The following CAMK2B variants were observed in gnomAD, a reference collection of about 807,000 sequenced individuals.
CAMK2B encodes the protein calcium/calmodulin dependent protein kinase II beta.
CAMK2B carries 27 observed loss-of-function variants against 93.7 expected under a neutral mutation model. The observed-to-expected ratio is 0.29, with a 90% CI of 0.21 to 0.40. The LOEUF (loss-of-function observed/expected upper bound fraction) is 0.40. CAMK2B is among the 10% of genes least tolerant of loss of function. CAMK2B has a pLI of 1.00. For missense variants in CAMK2B, 568 were observed against 895.8 expected (o/e 0.63, Z 4.67); for synonymous variants, 374 against 358.8 (o/e 1.04, Z -0.48).
Position 44,248,282 on chromosome 7 carries a change from C to G in CAMK2B, c.342-1090G>C, listed in dbSNP as rs1373805062. The stretch of plus-strand genomic sequence containing the variant: ...GCCATGACTGGCTGGGAGGAGAGGT[C>G]CAAGCTGCTCTCAGGCCACCTCCCT... On this transcript the variant is annotated intron_variant, in intron 5 of 23. Coordinates refer to ENST00000395749, the MANE Select transcript of CAMK2B (RefSeq NM_001220.5). The surrounding 1 kb of genome is among the most constrained non-coding windows in gnomAD (Gnocchi z 4.1). Among the ~76,000 whole-genome samples the G allele has an allele frequency of 6.6e-6, 1 of 152,104 alleles. No homozygotes were observed. Among genetic ancestry groups the G allele is most frequent in the Non-Finnish European group, 1.5e-5 (1 of 67,998 alleles).
At chr7:44,260,229 G>A (rs763120901) in intron 3 of CAMK2B, among the ~76,000 whole-genome samples, 4 of 152,128 alleles carry the variant, frequency 2.6e-5, no homozygotes, top group Non-Finnish European at 5.9e-5. Flanking sequence ...ATGCTCCGGC[G>A]CTGTCCCAGT....
chr7:44,303,443 T>A (rs1044743461), intron 1 of CAMK2B, among the ~76,000 whole-genome samples: 1 of 152,084 alleles, frequency 6.6e-6, no homozygotes, highest in African/African-American at 2.4e-5. Context: ...CATAATACAA[T>A]AACCAACACA....
chr7:44,268,355 C>T (rs1294615161), intron 2 of CAMK2B, among the ~76,000 whole-genome samples: 2 of 152,174 alleles, frequency 1.3e-5, no homozygotes, highest in African/African-American at 4.8e-5. Flanking sequence ...ATATTTACAG[C>T]CTGCAGATGC....
At chr7:44,260,867 G>C (rs866011812) in intron 3 of CAMK2B, among the ~76,000 whole-genome samples, 68 of 152,168 alleles carry the variant, frequency 4.5e-4, no homozygotes, top group African/African-American at 1.6e-3. Flanking sequence ...TTCTCAAAGA[G>C]CAAGGTATTC....
intron 11 of CAMK2B, among the ~76,000 whole-genome samples, 198 bp from the exon 12 acceptor site, chr7:44,240,947 TAC>T (rs1012269458): frequency 1.3e-5 from 2 of 152,084 alleles, no homozygotes; most frequent in African/African-American, 4.8e-5. Context: ...TTTCCAGAAC[TAC>T]ACACACCCTG....
At chr7:44,301,221 A>G (rs1789919331) in intron 1 of CAMK2B, among the ~76,000 whole-genome samples, 1 of 152,164 alleles carries the variant, frequency 6.6e-6, no homozygotes, top group Admixed American at 6.5e-5. Flanking sequence ...TTGAACTCCT[A>G]GGCTCAAATG....
chr7:44,243,171 A>G, intron 8 of CAMK2B, 79 bp downstream of exon 8: 1 of 1,073,110 alleles, frequency 9.3e-7, no homozygotes, highest in Non-Finnish European at 1.4e-6. Context: ...CGTGCTGGCC[A>G]CTGCACACTC....
chr7:44,282,040 A>G (rs1584559157), intron 2 of CAMK2B, among the ~76,000 whole-genome samples: 1 of 152,178 alleles, frequency 6.6e-6, no homozygotes, highest in East Asian at 1.9e-4. Flanking sequence ...TGCTCCACAC[A>G]TGCACCTACA....
chr7:44,243,471 G>A lies in CAMK2B; in HGVS notation c.471C>T (p.Asp157=). ...KCKGAAVKLA[D]FGLAIEVQGD... is the part of the protein sequence containing the mutation. ...CCTGCACCTCGATAGCTAGGCCGAA[G>A]TCTGCCAGCTTCACTGCAGCCCCTT... Residue 157 remains aspartate (D), a synonymous_variant, in exon 7 of 24, where the codon GAC becomes GAT. Coordinates refer to ENST00000395749, the MANE Select transcript of CAMK2B (RefSeq NM_001220.5). 6.2e-7 allele frequency: 1 copy of A among 1,614,106 alleles called. No individual in the cohort carries two copies.
chr7:44,237,275 G>A (rs1208836723), intron 13 of CAMK2B, among the ~76,000 whole-genome samples: 1 of 152,228 alleles, frequency 6.6e-6, no homozygotes, highest in Non-Finnish European at 1.5e-5. Context: ...TTAGATCCTT[G>A]AGTCTATCAA....
Position 44,232,814 on chromosome 7 carries a change from G to T in CAMK2B, c.1176+8C>A, listed in dbSNP as rs730951. On this transcript the variant is annotated splice_region_variant and intron_variant, in intron 16 of 23. Transcript: ENST00000395749. Reference sequence around the variant, plus strand: ...GGGGAAAGCGGGAGGAGGAAAGTGGGGCAGTACCTTAATCCCGTCCACTGG... The same window carrying T: ...GGGGAAAGCGGGAGGAGGAAAGTGGTGCAGTACCTTAATCCCGTCCACTGG... The T allele has an allele frequency of 6.2e-7, 1 of 1,613,768 alleles. No individual in the cohort carries two copies.
intron 1 of CAMK2B, chr7:44,323,744 G>A (rs1056252109): frequency 5.2e-5 from 8 of 155,014 alleles, no homozygotes; most frequent in African/African-American, 1.7e-4. Context: ...GAAGGCTCCT[G>A]AGGAAAGACT....
intron 4 of CAMK2B, among the ~76,000 whole-genome samples, chr7:44,256,491 T>A (rs1212605127): frequency 6.6e-6 from 1 of 152,232 alleles, no homozygotes; most frequent in Non-Finnish European, 1.5e-5. Context: ...GTAGAGCAGT[T>A]TGTTCATGCG....
intron 1 of CAMK2B, among the ~76,000 whole-genome samples, chr7:44,295,079 G>A (rs1310738296): frequency 6.6e-6 from 1 of 152,188 alleles, no homozygotes; most frequent in Non-Finnish European, 1.5e-5. Context: ...ATAACTTAGC[G>A]CTGGTCTGCA....
chr7:44,270,945 GTC>G (rs1166791606), intron 2 of CAMK2B, among the ~76,000 whole-genome samples: 3 of 152,022 alleles, frequency 2.0e-5, no homozygotes, highest in Non-Finnish European at 2.9e-5. Flanking sequence ...TTTTGATGGA[GTC>G]TCTCTCTGTC....
chr7:44,259,032 C>T lies in CAMK2B; in HGVS notation c.221-106G>A. 1.1e-5 allele frequency: 11 copies of T among 1,047,188 alleles called. No individual in the cohort carries two copies. The South Asian group carries it at 1.1e-4, about 10-fold the overall frequency. 64.9% of individuals were successfully genotyped at this position (1,047,188 alleles called of 1,614,324 possible). ...ACCACCAGCGGTGTAAGCCCTAGGG[C>T]TGCCCAGAGGATCGGGCTGGGTAGG... On this transcript the variant is annotated intron_variant, in intron 3 of 23. Transcript: ENST00000395749.
At chr7:44,220,977 G>A (rs985066197) in intron 20 of CAMK2B, 76 bp from the exon 21 acceptor site, 1 of 1,266,788 alleles carries the variant, frequency 7.9e-7, no homozygotes, top group Admixed American at 2.1e-5. Context: ...GCCCAGGGGA[G>A]GGCCTGGGGG....
intron 1 of CAMK2B, among the ~76,000 whole-genome samples, chr7:44,310,925 G>A (rs1028114521): frequency 6.6e-6 from 1 of 152,104 alleles, no homozygotes; most frequent in Non-Finnish European, 1.5e-5. Flanking sequence ...ACTTAAAAAC[G>A]GTTAAGACAG....
At chr7:44,270,174 C>G (rs1209015320) in intron 2 of CAMK2B, among the ~76,000 whole-genome samples, 11 of 152,072 alleles carry the variant, frequency 7.2e-5, no homozygotes. Flanking sequence ...CCAGCGCTCT[C>G]CACCCATTTC....
Sources: gnomAD v4.1 joint callset for allele counts (sites outside exome capture counted in the v4.1 genomes callset) on GRCh38, gnomAD v4.1.1 for gene constraint, Gnocchi (gnomAD v3.1) non-coding constraint, MANE v1.5 for transcripts, NCBI Gene and HGNC (gene_info 2026-07-23, HGNC 2026-07-21) for gene names.